Variants in IQGAP1 observed in about 807,000 individuals in gnomAD.
IQGAP1 encodes ras GTPase-activating-like protein IQGAP1.
In IQGAP1, 66 loss-of-function variants were observed where a neutral mutation model predicts 215.6. The observed-to-expected ratio is 0.31, with a 90% CI of 0.25 to 0.38. The LOEUF is 0.38. Among genes scored for constraint, IQGAP1 ranks in the 10% least tolerant of loss-of-function variants. The probability of loss-of-function intolerance (pLI) is 1.00; values close to 1 mark genes in which losing one functional copy is unlikely to be tolerated. For synonymous variants in IQGAP1, 772 were observed against 728.7 expected (o/e 1.06, Z -0.96); for missense variants, 1,712 against 1,997.1 (o/e 0.86, Z 2.72).
Position 90,452,938 on chromosome 15 carries a change from A to G in IQGAP1, c.1326A>G (p.Glu442=). ...CTACCCTGCAGCGACAAAGTCCTGA[A>G]GTGAGTTCACTAAACCTGTCCTGTT... is the stretch of plus-strand genomic sequence containing the variant. ...ELATLQRQSP[E]HNLTHPELSV... The change falls in exon 12 of 38, where the codon GAA becomes GAG. Residue 442 remains glutamate, a splice_region_variant and synonymous_variant. Transcript: ENST00000268182. 2 of 1,613,820 alleles carry G rather than the reference A, an allele frequency of 1.2e-6. No individual in the cohort carries two copies. Among genetic ancestry groups the G allele is most frequent in the Non-Finnish European group, 1.7e-6 (2 of 1,179,972 alleles).
chr15:90,472,579 G>A (rs1965921202), intron 18 of IQGAP1, among the ~76,000 whole-genome samples: 1 of 152,004 alleles, frequency 6.6e-6, no homozygotes, highest in Admixed American at 6.6e-5. Flanking sequence ...TGTTGGATAG[G>A]TAGATAAGTG....
chr15:90,476,985 G>T, intron 24 of IQGAP1, 82 bp from the exon 25 acceptor site: 1 of 1,410,086 alleles, frequency 7.1e-7, no homozygotes, highest in South Asian at 1.2e-5. Flanking sequence ...ATGTATTGTA[G>T]TCCTTCAATT....
At chr15:90,490,844 T>C (rs1966192995) in intron 33 of IQGAP1, among the ~76,000 whole-genome samples, 1 of 152,240 alleles carries the variant, frequency 6.6e-6, no homozygotes, top group Non-Finnish European at 1.5e-5. Flanking sequence ...AGTCTCGCTC[T>C]GTCGCCCAGA....
chr15:90,405,580 TG>T (rs1964865984), intron 2 of IQGAP1, among the ~76,000 whole-genome samples: 1 of 152,138 alleles, frequency 6.6e-6, no homozygotes, highest in South Asian at 2.1e-4. Context: ...AAGGGTTTAG[TG>T]GTGAAATAAG....
chr15:90,400,437 T>A (rs1178880477), intron 2 of IQGAP1, among the ~76,000 whole-genome samples: 2 of 152,172 alleles, frequency 1.3e-5, no homozygotes, highest in Non-Finnish European at 2.9e-5. Flanking sequence ...GCTTAAATGA[T>A]CTCTTTTTAG....
Position 90,487,502 on chromosome 15 carries a change from CG to C in IQGAP1, c.4169del (p.Arg1390LeufsTer2). On this transcript the variant is annotated frameshift_variant, in exon 33 of 38. Coordinates refer to ENST00000268182, the MANE Select transcript of IQGAP1 (RefSeq NM_003870.4). LOFTEE classifies it high-confidence loss of function. ...DARTILLNTK[R>X]LIVDVIRFQP... is the part of the protein sequence containing the mutation. The stretch of plus-strand genomic sequence containing the variant: ...TCCCCCATCTCGTTTCAGTACAAAA[CG>C]TTTAATTGTGGATGTCATCCGGTTC... The C allele has an allele frequency of 6.2e-7, 1 of 1,613,182 alleles. No individual in the cohort carries two copies. The highest frequency in any genetic ancestry group is 8.5e-7 in the Non-Finnish European group (1 of 1,179,194).
intron 30 of IQGAP1, among the ~76,000 whole-genome samples, chr15:90,485,169 G>A (rs2238329): frequency 0.42 from 63,989 of 151,904 alleles, 15,395 homozygotes; most frequent in African/African-American, 0.68. Flanking sequence ...AGGAACAAGG[G>A]CATATGTTAA....
chr15:90,490,481 A>G (rs1222877932), intron 33 of IQGAP1, among the ~76,000 whole-genome samples: 5 of 152,124 alleles, frequency 3.3e-5, no homozygotes, highest in Non-Finnish European at 5.9e-5. Context: ...ACTATGAAGG[A>G]TGGCAGTATC....
intron 2 of IQGAP1, among the ~76,000 whole-genome samples, chr15:90,394,359 G>C (rs2151694493): frequency 6.6e-6 from 1 of 152,132 alleles, no homozygotes; most frequent in East Asian, 1.9e-4. Flanking sequence ...AAAAAATCAA[G>C]GTTGGAAGCA....
intron 2 of IQGAP1, among the ~76,000 whole-genome samples, chr15:90,425,650 C>A (rs897228268): frequency 3.3e-5 from 5 of 152,160 alleles, no homozygotes; most frequent in African/African-American, 1.2e-4. Flanking sequence ...CCCCAAGCAA[C>A]CTTAAAACTT....
chr15:90,427,166 G>A (rs529418764), intron 3 of IQGAP1, among the ~76,000 whole-genome samples: 7 of 152,032 alleles, frequency 4.6e-5, no homozygotes, highest in Non-Finnish European at 1.0e-4. Context: ...GGAGACTGAG[G>A]CAAGAGGATT....
At chr15:90,394,605 C>T (rs765994326) in intron 2 of IQGAP1, among the ~76,000 whole-genome samples, 1 of 152,174 alleles carries the variant, frequency 6.6e-6, no homozygotes, top group South Asian at 2.1e-4. Context: ...TCCGAGGGCC[C>T]CTCTTTCCCC....
At chr15:90,490,133 C>T (rs1317079675) in intron 33 of IQGAP1, among the ~76,000 whole-genome samples, 5 of 152,152 alleles carry the variant, frequency 3.3e-5, no homozygotes, top group South Asian at 2.1e-4. Flanking sequence ...TGAGCCATCC[C>T]GAATGTAAAC....
chr15:90,495,487 A>G (rs1966258998), intron 36 of IQGAP1, among the ~76,000 whole-genome samples: 1 of 152,164 alleles, frequency 6.6e-6, no homozygotes. Flanking sequence ...ATAAAAAAGA[A>G]AACACCTGTA....
At chr15:90,437,955 C>T (rs559036631) in intron 5 of IQGAP1, among the ~76,000 whole-genome samples, 3 of 152,188 alleles carry the variant, frequency 2.0e-5, no homozygotes, top group Non-Finnish European at 2.9e-5. Flanking sequence ...TATACTTGCA[C>T]TTCTCTGAGA....
intron 36 of IQGAP1, chr15:90,496,919 A>G (rs548055317): frequency 1.9e-4 from 35 of 189,006 alleles, no homozygotes; most frequent in Non-Finnish European, 3.6e-4. Context: ...CTTTTTGGCC[A>G]TGTGGAAGTG....
In IQGAP1 at chr15:90,441,704, T is replaced by TC; in HGVS notation, c.828+21dup. On this transcript the variant is annotated intron_variant, in intron 8 of 37. Coordinates refer to ENST00000268182, the MANE Select transcript of IQGAP1 (RefSeq NM_003870.4). ...AACAGGGTAAAAATGCAACATCTAT[T>TC]CTTTCTAATTAATTTATATTATTCC... is the stretch of plus-strand genomic sequence containing the variant. The TC allele has an allele frequency of 6.6e-7, 1 of 1,524,302 alleles. No individual in the cohort carries two copies. Among genetic ancestry groups the TC allele is most frequent in the South Asian group, 1.2e-5 (1 of 86,144 alleles). 94.4% of individuals were successfully genotyped at this position (1,524,302 alleles called of 1,614,324 possible).
chr15:90,465,879 T>C (rs1965824139), intron 15 of IQGAP1, 122 bp from the exon 16 acceptor site: 1 of 768,088 alleles, frequency 1.3e-6, no homozygotes. Flanking sequence ...AACCCACGTG[T>C]CTCATATTTT....
chr15:90,395,410 TCC>T (rs1023014354), intron 2 of IQGAP1, among the ~76,000 whole-genome samples: 13 of 151,840 alleles, frequency 8.6e-5, no homozygotes, highest in Non-Finnish European at 2.9e-5. Context: ...AAGCTCCGCC[TCC>T]CAGGTTAACG....
Sources: allele counts gnomAD v4.1 joint callset (sites outside exome capture counted in the v4.1 genomes callset), GRCh38; gene constraint gnomAD v4.1.1; transcripts MANE v1.5; gene names NCBI Gene and HGNC (gene_info 2026-07-23, HGNC 2026-07-21).